The following VPS13C variants were observed in gnomAD, a reference collection of about 807,000 sequenced individuals.
VPS13C encodes vacuolar protein sorting 13 homolog C.
A neutral mutation model predicts 456.8 loss-of-function variants in VPS13C; 358 were observed. That is an observed-to-expected ratio of 0.78 (90% CI 0.72 to 0.86). The LOEUF is 0.86. Among genes scored for constraint, VPS13C ranks in the 40% least tolerant of loss-of-function variants. The probability of loss-of-function intolerance (pLI) is 0.00; values close to 1 mark genes in which losing one functional copy is unlikely to be tolerated. For synonymous variants in VPS13C, 1,578 were observed against 1,486.7 expected, an observed-to-expected ratio of 1.06 and a Z score of -1.41; for missense variants, 4,818 against 4,385.4, an observed-to-expected ratio of 1.10 and a Z score of -2.79.
In VPS13C at chr15:61,911,850, G is replaced by A; in HGVS notation, c.8705C>T (p.Ala2902Val). ...SMPTNKWNYI[A>V]SSECLPFWPE... ...AAAGAAAAATGCTACCTCTGAAGAAGCAATATAGTTCCATTTATTAGTTGG... is the reference window on the plus strand; with the variant it reads ...AAAGAAAAATGCTACCTCTGAAGAAACAATATAGTTCCATTTATTAGTTGG... The change falls in exon 63 of 85, where the codon GCT becomes GTT. Residue 2902 changes from alanine to valine, a missense_variant. Ala to Val is a moderately conservative substitution (Grantham distance 64). Around this residue, in one of 3 missense-constraint regions of VPS13C, gnomAD observed 4,552 missense variants for 4,130.6 expected, o/e 1.10. Coordinates refer to ENST00000644861, the MANE Select transcript of VPS13C (RefSeq NM_020821.3). 1 of 1,600,606 alleles carries A rather than the reference G, an allele frequency of 6.2e-7. No individual in the cohort carries two copies. Among genetic ancestry groups the A allele is most frequent in the Non-Finnish European group, 8.5e-7 (1 of 1,173,834 alleles).
chr15:61,908,725 C>A (rs969682488), intron 65 of VPS13C, among the ~76,000 whole-genome samples: 1 of 152,094 alleles, frequency 6.6e-6, no homozygotes, highest in Non-Finnish European at 1.5e-5. Flanking sequence ...ACTCATTTGG[C>A]GGCAAAACCT....
At chr15:61,957,573 A>C (rs2045048487) in intron 37 of VPS13C, among the ~76,000 whole-genome samples, 1 of 152,126 alleles carries the variant, frequency 6.6e-6, no homozygotes, top group Admixed American at 6.6e-5. Flanking sequence ...GTATAGAAAA[A>C]CAACCTGGTG....
intron 5 of VPS13C, among the ~76,000 whole-genome samples, chr15:62,031,831 A>G (rs969619121): frequency 1.3e-5 from 2 of 151,944 alleles, no homozygotes; most frequent in Non-Finnish European, 2.9e-5. Flanking sequence ...TCAGCACTGA[A>G]GACTCAGGAG....
Position 61,990,983 on chromosome 15 carries a change from A to G in VPS13C, c.1578+17T>C, listed in dbSNP as rs2140420090. On this transcript the variant is annotated intron_variant, in intron 18 of 84. Coordinates refer to ENST00000644861, the MANE Select transcript of VPS13C (RefSeq NM_020821.3). ...GTACAATGAGACAAAATTCCTTTAAACCACTTAAATAATTACCTGCTTAGG... is the reference window on the plus strand; with the variant it reads ...GTACAATGAGACAAAATTCCTTTAAGCCACTTAAATAATTACCTGCTTAGG... 1 of 1,574,486 alleles carries G rather than the reference A, an allele frequency of 6.4e-7. No individual in the cohort carries two copies.
intron 42 of VPS13C, among the ~76,000 whole-genome samples, chr15:61,949,067 T>C (rs2044699858): frequency 6.6e-6 from 1 of 152,166 alleles, no homozygotes; most frequent in Admixed American, 6.5e-5. Flanking sequence ...GAGCACCAGG[T>C]AAGTCTACCT....
chr15:61,996,463 T>G (rs1439941639), intron 16 of VPS13C, among the ~76,000 whole-genome samples: 1 of 152,112 alleles, frequency 6.6e-6, no homozygotes, highest in African/African-American at 2.4e-5. Flanking sequence ...CCAAAATTAC[T>G]TGACATACGA....
Position 61,928,384 on chromosome 15 carries a change from A to C in VPS13C, c.6287-1064T>G, listed in dbSNP as rs149568402. ...TAGTTGTTTCTTTCAATTTCACCCA[A>C]AAGTCCATAGTCAATGTCATATAAT... On this transcript the variant is annotated intron_variant, in intron 51 of 84. Coordinates refer to ENST00000644861, the MANE Select transcript of VPS13C (RefSeq NM_020821.3). Among the ~76,000 whole-genome samples, 507 of 152,272 alleles carry C rather than the reference A, an allele frequency of 3.3e-3. 6 individuals carry two copies. The highest frequency in any genetic ancestry group is 0.012 in the African/African-American group (487 of 41,568).
At chr15:61,955,391 C>T (rs1282347985) in intron 37 of VPS13C, among the ~76,000 whole-genome samples, 1 of 152,148 alleles carries the variant, frequency 6.6e-6, no homozygotes, top group African/African-American at 2.4e-5. Context: ...AGTCTTCACT[C>T]GCCACTGTCC....
At chr15:62,030,594 C>T (rs538810193) in intron 5 of VPS13C, among the ~76,000 whole-genome samples, 1 of 152,104 alleles carries the variant, frequency 6.6e-6, no homozygotes, top group African/African-American at 2.4e-5. Context: ...ACACACACAT[C>T]ATGTGACCTG....
At position 62,020,503 on chromosome 15, in the gene VPS13C, GAC is replaced by G; in HGVS notation, c.658_659del (p.Val220HisfsTer6). 1 of 1,611,662 alleles carries G rather than the reference GAC, an allele frequency of 6.2e-7. No individual in the cohort carries two copies. Among genetic ancestry groups the G allele is most frequent in the Non-Finnish European group, 8.5e-7 (1 of 1,178,548 alleles). On this transcript the variant is annotated frameshift_variant, in exon 9 of 85. Transcript: ENST00000644861. LOFTEE classifies it high-confidence loss of function. ...CCAGTAGACTAAGCTCTCCCAGTGT[GAC>G]ACCAAATGAAAGAGGCCGCTTTGGA... ...TDPKRPLSFG[V>X]TLGELSLLTA...
chr15:61,935,503 A>C (rs1281863846), intron 48 of VPS13C: 1 of 152,256 alleles, frequency 6.6e-6, no homozygotes, highest in Non-Finnish European at 1.5e-5. Flanking sequence ...CACGGTGTCC[A>C]TATAGCAAGA....
intron 71 of VPS13C, among the ~76,000 whole-genome samples, chr15:61,881,356 T>C (rs1176932111): frequency 2.0e-5 from 3 of 152,182 alleles, no homozygotes; most frequent in Non-Finnish European, 2.9e-5. Flanking sequence ...AAGAAGATGG[T>C]TGAAGAAATT....
Position 61,910,134 on chromosome 15 carries a change from T to A in VPS13C, c.8844+43A>T, listed in dbSNP as rs950674912. The A allele has an allele frequency of 1.6e-5, 18 of 1,112,142 alleles. No homozygotes were observed. In the African/African-American group the frequency reaches 2.8e-4, roughly 17 times the overall value. 68.9% of individuals were successfully genotyped at this position (1,112,142 alleles called of 1,614,324 possible). ...TAGAACTTAAAGTATAATAAAAAAT[T>A]AAATAAATAAAAATAAAAATAAAAT... On this transcript the variant is annotated intron_variant, in intron 64 of 84. Coordinates refer to ENST00000644861, the MANE Select transcript of VPS13C (RefSeq NM_020821.3).
intron 35 of VPS13C, 95 bp from the exon 36 acceptor site, chr15:61,959,690 A>G: frequency 8.0e-7 from 1 of 1,255,298 alleles, no homozygotes; most frequent in Non-Finnish European, 1.1e-6. Context: ...TTGCTGCTCT[A>G]AATACTGATC....
intron 20 of VPS13C, 57 bp downstream of exon 20, chr15:61,983,763 A>C: frequency 6.6e-7 from 1 of 1,520,856 alleles, no homozygotes; most frequent in South Asian, 1.2e-5. Flanking sequence ...ATAAGAAAAC[A>C]GTATGTCAGA....
intron 66 of VPS13C, among the ~76,000 whole-genome samples, chr15:61,892,751 C>T (rs935708202): frequency 5.9e-5 from 9 of 152,046 alleles, no homozygotes; most frequent in Non-Finnish European, 1.3e-4. Flanking sequence ...CAAGGCAACA[C>T]AGAAAAACAA....
At chr15:61,864,558 T>G in intron 81 of VPS13C, 1 of 931,990 alleles carries the variant, frequency 1.1e-6, no homozygotes, top group Non-Finnish European at 1.3e-6. Context: ...AAGGATAATA[T>G]AATCAATATA....
At chr15:62,013,267 G>C in intron 10 of VPS13C, 148 bp from the exon 11 acceptor site, 2 of 514,472 alleles carry the variant, frequency 3.9e-6, no homozygotes, top group Non-Finnish European at 3.3e-6. Flanking sequence ...AAAAATGAGG[G>C]GAAAATATAT....
At chr15:62,047,115 A>C (rs2140750983) in intron 1 of VPS13C, among the ~76,000 whole-genome samples, 1 of 152,072 alleles carries the variant, frequency 6.6e-6, no homozygotes, top group South Asian at 2.1e-4. Flanking sequence ...CTTTACCCCC[A>C]GACACGTAAG....
Sources: gnomAD v4.1 joint callset for allele counts (sites outside exome capture counted in the v4.1 genomes callset) on GRCh38, gnomAD v4.1.1 for gene constraint, gnomAD v4.1.1 regional missense constraint, MANE v1.5 for transcripts, NCBI Gene and HGNC (gene_info 2026-07-23, HGNC 2026-07-21) for gene names.